The following LRRC75A variants were observed in gnomAD, a reference collection of about 807,000 sequenced individuals.
The protein encoded by LRRC75A is leucine rich repeat containing 75A, also known as leucine-rich repeat-containing protein 75A.
LRRC75A carries 12 observed loss-of-function variants against 26.0 expected under a neutral mutation model. That is an observed-to-expected ratio of 0.46 (90% CI 0.30 to 0.75). The LOEUF (loss-of-function observed/expected upper bound fraction) is 0.75, where lower values mean the gene tolerates loss of function less well. Among genes scored for constraint, LRRC75A ranks in the 30% least tolerant of loss-of-function variants. The pLI, the probability that LRRC75A is intolerant of heterozygous loss-of-function variation, is 0.08. For synonymous variants in LRRC75A, 223 were observed against 219.3 expected (o/e 1.02, Z -0.15); for missense variants, 410 against 486.6 (o/e 0.84, Z 1.48).
At chr17:16,464,765 C>T (rs1349462331) in intron 1 of LRRC75A, among the ~76,000 whole-genome samples, 1 of 152,222 alleles carries the variant, frequency 6.6e-6, no homozygotes, top group African/African-American at 2.4e-5. Flanking sequence ...GTGTCAGAGC[C>T]GTGTGGACAC....
At chr17:16,460,499 T>C (rs2093719605) in intron 2 of LRRC75A, among the ~76,000 whole-genome samples, 1 of 151,978 alleles carries the variant, frequency 6.6e-6, no homozygotes, top group Non-Finnish European at 1.5e-5. Flanking sequence ...AGGCTGTCCA[T>C]GAGGCAACCT....
chr17:16,478,270 C>T (rs2093825788), intron 1 of LRRC75A, among the ~76,000 whole-genome samples: 1 of 151,416 alleles, frequency 6.6e-6, no homozygotes, highest in Non-Finnish European at 1.5e-5. Flanking sequence ...TCACTGCAAC[C>T]TTCGCCTCCC....
At chr17:16,474,602 G>C (rs1389405954) in intron 1 of LRRC75A, among the ~76,000 whole-genome samples, 2 of 151,850 alleles carry the variant, frequency 1.3e-5, no homozygotes, top group Non-Finnish European at 2.9e-5. Context: ...CTCTGCTTGG[G>C]AAATTATCTG....
At position 16,491,840 on chromosome 17, in the gene LRRC75A, AG is replaced by A. The variant is rs1555894184; in HGVS notation, c.150del (p.Tyr51ThrfsTer41). 11 of 1,402,524 alleles carry A rather than the reference AG, an allele frequency of 7.8e-6. No individual in the cohort carries two copies. Among genetic ancestry groups the A allele is most frequent in the Admixed American group, 5.1e-5 (2 of 38,866 alleles). The allele number at this position is 1,402,524 out of a possible 1,614,324, so 86.9% of individuals were successfully genotyped here. A position where few individuals can be genotyped will look rare whatever the true frequency, so the allele number is the denominator to read the frequency against. On this transcript the variant is annotated frameshift_variant, in exon 1 of 4. Coordinates refer to ENST00000470794, the MANE Select transcript of LRRC75A (RefSeq NM_001113567.3). LOFTEE classifies it high-confidence loss of function. This position sits in a 1 kb window ranked among gnomAD's most constrained non-coding sequence, Gnocchi z 5.9. ...KAGRAGAGMP[P>X]YHRRVGMVQE... ...TGGACCATGCCGACTCGCCGGTGGT[AG>A]GGGGGCATCCCCGCGCCCGCGCGCC...
intron 2 of LRRC75A, among the ~76,000 whole-genome samples, chr17:16,452,922 C>T (rs78623754): frequency 0.015 from 2,306 of 152,216 alleles, 56 homozygotes; most frequent in African/African-American, 0.052. Flanking sequence ...CTCCTTCAAT[C>T]ACTTCCCAGG....
rs575229402 is a variant in LRRC75A at position 16,461,829 on chromosome 17, A to G, written c.375+429T>C. Among the ~76,000 whole-genome samples, 11 of 152,216 alleles carry G rather than the reference A, an allele frequency of 7.2e-5. No homozygotes were observed. The South Asian group carries it at 2.3e-3, about 32-fold the overall frequency. ...GTGGGTAGAGAGAGGGCTGGATTTG[A>G]ACTTTCCCCTGCCTCCCCCTACCCC... On this transcript the variant is annotated intron_variant, in intron 2 of 3. Transcript: ENST00000470794.
At chr17:16,483,974 G>C (rs1276481195) in intron 1 of LRRC75A, among the ~76,000 whole-genome samples, 2 of 152,018 alleles carry the variant, frequency 1.3e-5, no homozygotes, top group South Asian at 4.2e-4. Flanking sequence ...TTCTATAATT[G>C]TATATTGCTT....
chr17:16,464,329 C>G (rs1345875271), intron 1 of LRRC75A, among the ~76,000 whole-genome samples: 1 of 152,192 alleles, frequency 6.6e-6, no homozygotes, highest in South Asian at 2.1e-4. Flanking sequence ...GCTGCACCCC[C>G]TTGTAGAAGC....
intron 1 of LRRC75A, among the ~76,000 whole-genome samples, chr17:16,489,823 C>G (rs1303418530): frequency 1.6e-4 from 24 of 152,224 alleles, no homozygotes; most frequent in Admixed American, 1.6e-3. Flanking sequence ...GCCTGAGGAC[C>G]TGCTGCTTTC....
Position 16,441,658 on chromosome 17 carries a change from C to A in LRRC75A, c.*1930G>T. ...GCACAATCACAGCTCATTGCATCCT[C>A]AATCACCCAGGCCTAAGCAATCCTC... On this transcript the variant is annotated 3_prime_UTR_variant, in exon 4 of 4. Coordinates refer to ENST00000470794, the MANE Select transcript of LRRC75A (RefSeq NM_001113567.3). The A allele has an allele frequency of 3.0e-6, 1 of 335,740 alleles. No individual in the cohort carries two copies. The highest frequency in any genetic ancestry group is 5.9e-6 in the Non-Finnish European group (1 of 170,690). The allele number at this position is 335,740 out of a possible 1,614,324, so 20.8% of individuals were successfully genotyped here. A position where few individuals can be genotyped will look rare whatever the true frequency, so the allele number is the denominator to read the frequency against.
Position 16,454,908 on chromosome 17 carries a change from A to ATTTCT in LRRC75A, c.376-6953_376-6949dup, listed in dbSNP as rs146176252. On this transcript the variant is annotated intron_variant, in intron 2 of 3. Transcript: ENST00000470794. ...CAGGTAGCTGGGGCTAAGGGTCCTC[A>ATTTCT]TTTCTTTTCTTTTCTTTTCTTTTCT... is the stretch of plus-strand genomic sequence containing the variant. Among the ~76,000 whole-genome samples, 828 of 147,752 alleles carry ATTTCT rather than the reference A, an allele frequency of 5.6e-3. 6 individuals carry two copies. The highest frequency in any genetic ancestry group is 0.014 in the East Asian group (70 of 5,062).
Position 16,462,317 on chromosome 17 carries a change from C to A in LRRC75A, c.316G>T (p.Asp106Tyr). Residue 106 changes from aspartate to tyrosine, a missense_variant, in exon 2 of 4, where the codon GAC (aspartate) becomes TAC (tyrosine). By Grantham distance (160) the Asp-to-Tyr change is radical. Transcript: ENST00000470794. The surrounding 1 kb of genome is among the most constrained non-coding windows in gnomAD (Gnocchi z 4.6). ...ATGATGAGGTCGTGTGTGATGGGGTCCACCAGGTTCCGGAAGCTGGCGTAG... is the reference window on the plus strand; with the variant it reads ...ATGATGAGGTCGTGTGTGATGGGGTACACCAGGTTCCGGAAGCTGGCGTAG... ...YRYASFRNLV[D>Y]PITHDLIISL... 1.2e-6 allele frequency: 2 copies of A among 1,614,148 alleles called. No homozygotes were observed. Among genetic ancestry groups the A allele is most frequent in the Non-Finnish European group, 1.7e-6 (2 of 1,180,014 alleles).
In LRRC75A at chr17:16,448,363, T is replaced by C. The variant is rs533241246; in HGVS notation, c.376-403A>G. On this transcript the variant is annotated intron_variant, in intron 2 of 3. Transcript: ENST00000470794. ...CACTTACTCGGAGCCAGGCACTTGT[T>C]CTAGGAAGCTAGGATATGGCCATGA... 2.5e-4 allele frequency: 60 copies of C among 241,848 alleles called. 1 individual carries two copies. Among genetic ancestry groups the C allele is most frequent in the Non-Finnish European group, 2.4e-4 (29 of 119,154 alleles). The allele number at this position is 241,848 out of a possible 1,614,324, so 15.0% of individuals were successfully genotyped here.
In LRRC75A at chr17:16,444,004, C is replaced by T. The variant is rs574897855; in HGVS notation, c.619G>A (p.Val207Met). Residue 207 changes from valine to methionine, a missense_variant, in exon 4 of 4, where the codon GTG (valine) becomes ATG (methionine). Transcript: ENST00000470794. Reference protein sequence around the residue: ...LQRCGEQVDSVELGFTGLTDD... With the variant: ...LQRCGEQVDSMELGFTGLTDD... ...GTGAGGCCTGTGAAGCCCAGCTCCA[C>T]GCTGTCTACCTGCTCCCCACAGCGC... The T allele has an allele frequency of 7.4e-6, 12 of 1,613,904 alleles. No individual in the cohort carries two copies. Among genetic ancestry groups the T allele is most frequent in the South Asian group, 3.3e-5 (3 of 91,074 alleles).
At chr17:16,485,872 C>G (rs2093846089) in intron 1 of LRRC75A, among the ~76,000 whole-genome samples, 1 of 149,988 alleles carries the variant, frequency 6.7e-6, no homozygotes, top group Admixed American at 6.7e-5. Context: ...CACTGGATAA[C>G]CCTTCTTCAA....
chr17:16,455,660 T>C (rs1022307481), intron 2 of LRRC75A, among the ~76,000 whole-genome samples: 14 of 152,114 alleles, frequency 9.2e-5, no homozygotes, highest in African/African-American at 2.4e-4. Flanking sequence ...CTACAAACTA[T>C]AGTCCCATAC....
At position 16,491,923 on chromosome 17, in the gene LRRC75A, C is replaced by CG; in HGVS notation, c.67dup (p.Arg23ProfsTer230). 8.0e-7 allele frequency: 1 copy of CG among 1,255,704 alleles called. No individual in the cohort carries two copies. The highest frequency in any genetic ancestry group is 1.0e-6 in the Non-Finnish European group (1 of 1,003,386). The allele number at this position is 1,255,704 out of a possible 1,614,324, so 77.8% of individuals were successfully genotyped here. ...CGCCCAGAAGTCCGGCCGTTCGCGT[C>CG]GGGGGCCCGGCGCGGCGCCGGGGCT... On this transcript the variant is annotated frameshift_variant, in exon 1 of 4. Coordinates refer to ENST00000470794, the MANE Select transcript of LRRC75A (RefSeq NM_001113567.3). LOFTEE classifies it high-confidence loss of function. The surrounding 1 kb of genome is among the most constrained non-coding windows in gnomAD (Gnocchi z 5.9).
rs551032281 is a variant in LRRC75A at position 16,486,372 on chromosome 17, C to A, written c.246+5373G>T. On this transcript the variant is annotated intron_variant, in intron 1 of 3. Transcript: ENST00000470794. ...TCAGAATAACCGGCCCAGCTACAGC[C>A]CCTGCGGTCGTGCTTAGCCACTACA... Among the ~76,000 whole-genome samples the A allele has an allele frequency of 4.6e-5, 7 of 152,306 alleles. No individual in the cohort carries two copies. In the East Asian group the frequency reaches 1.2e-3, roughly 25 times the overall value.
chr17:16,485,086 G>A (rs566257513), intron 1 of LRRC75A, among the ~76,000 whole-genome samples: 2 of 152,038 alleles, frequency 1.3e-5, no homozygotes, highest in South Asian at 2.1e-4. Context: ...TGCTTGGCGC[G>A]CCAAGGTCTC....
Sources: gnomAD v4.1 joint callset for allele counts (sites outside exome capture counted in the v4.1 genomes callset) on GRCh38, gnomAD v4.1.1 for gene constraint, Gnocchi (gnomAD v3.1) non-coding constraint, MANE v1.5 for transcripts, NCBI Gene and HGNC (gene_info 2026-07-23, HGNC 2026-07-21) for gene names.